Variants in LIPK observed in about 807,000 individuals in gnomAD.
LIPK encodes the protein lipase family member K.
In LIPK, 32 loss-of-function variants were observed where a neutral mutation model predicts 48.6. The observed-to-expected ratio is 0.66, with a 90% CI of 0.50 to 0.88. The LOEUF is 0.88. Among genes scored for constraint, LIPK ranks in the 40% least tolerant of loss-of-function variants. The probability of loss-of-function intolerance (pLI) is 0.00; values close to 1 mark genes in which losing one functional copy is unlikely to be tolerated. For missense variants in LIPK, 507 were observed against 478.5 expected, an observed-to-expected ratio of 1.06 and a Z score of -0.56; for synonymous variants, 164 against 157.4, an observed-to-expected ratio of 1.04 and a Z score of -0.32.
chr10:88,727,367 C>G, intron 3 of LIPK: 1 of 203,794 alleles, frequency 4.9e-6, no homozygotes, highest in Non-Finnish European at 9.8e-6. Flanking sequence ...ATGTCTTCAA[C>G]TACTACAATG....
chr10:88,727,691 T>C (rs1417756662), intron 3 of LIPK: 2 of 183,016 alleles, frequency 1.1e-5, no homozygotes, highest in African/African-American at 4.8e-5. Context: ...GGGTGAGGTC[T>C]ATGCTGGGGC....
Position 88,715,603 on chromosome 10 carries a change from CT to C in LIPK, c.-11-8923del, listed in dbSNP as rs1214689097. Among the ~76,000 whole-genome samples the C allele has an allele frequency of 6.6e-5, 10 of 151,972 alleles. No homozygotes were observed. In the South Asian group the frequency reaches 1.0e-3, roughly 16 times the overall value. On this transcript the variant is annotated intron_variant, in intron 1 of 9. Coordinates refer to ENST00000404190, the MANE Select transcript of LIPK (RefSeq NM_001080518.2). The stretch of plus-strand genomic sequence containing the variant: ...CATATTATAGTCTGACAATATTTGC[CT>C]TTTTTTAGAGTATTTTCTGTATTAG...
chr10:88,707,006 T>C (rs1188887829), intron 1 of LIPK, among the ~76,000 whole-genome samples: 1 of 152,154 alleles, frequency 6.6e-6, no homozygotes, highest in African/African-American at 2.4e-5. Flanking sequence ...AAGATGAAGA[T>C]GAGTCAACTG....
intron 1 of LIPK, among the ~76,000 whole-genome samples, chr10:88,710,749 C>T (rs1206025810): frequency 6.6e-6 from 1 of 152,078 alleles, no homozygotes; most frequent in Non-Finnish European, 1.5e-5. Flanking sequence ...GTATTATTTT[C>T]AATAATTTGC....
intron 7 of LIPK, among the ~76,000 whole-genome samples, chr10:88,738,662 C>A (rs1358613830): frequency 6.6e-6 from 1 of 152,062 alleles, no homozygotes; most frequent in African/African-American, 2.4e-5. Context: ...GACCTTGAAG[C>A]AAATAAAAAA....
At chr10:88,708,266 C>T (rs180976107) in intron 1 of LIPK, among the ~76,000 whole-genome samples, 10 of 152,006 alleles carry the variant, frequency 6.6e-5, no homozygotes, top group African/African-American at 2.2e-4. Flanking sequence ...ATAACCTTTG[C>T]TATTATTATA....
At chr10:88,723,873 A>T (rs1452118104) in intron 1 of LIPK, among the ~76,000 whole-genome samples, 1 of 152,094 alleles carries the variant, frequency 6.6e-6, no homozygotes, top group Admixed American at 6.5e-5. Context: ...AGGAATTTTC[A>T]CATATCACAC....
At chr10:88,725,153 A>G (rs989387122) in intron 2 of LIPK, among the ~76,000 whole-genome samples, 4 of 152,164 alleles carry the variant, frequency 2.6e-5, no homozygotes, top group African/African-American at 4.8e-5. Context: ...CAGATAATAT[A>G]CTCCATTCTC....
intron 1 of LIPK, among the ~76,000 whole-genome samples, chr10:88,722,907 G>T: frequency 7.8e-5 from 1 of 12,820 alleles, no homozygotes; most frequent in Non-Finnish European, 1.1e-4. Context: ...TTTTTGACAG[G>T]GTTTCACTCT....
At chr10:88,714,068 G>A (rs1171657889) in intron 1 of LIPK, among the ~76,000 whole-genome samples, 1 of 152,168 alleles carries the variant, frequency 6.6e-6, no homozygotes, top group South Asian at 2.1e-4. Context: ...AGCACCTCCA[G>A]TATCACGGTA....
chr10:88,752,687 T>C lies in LIPK; in HGVS notation c.1131T>C (p.Leu377=). The C allele has an allele frequency of 6.3e-7, 1 of 1,577,002 alleles. No individual in the cohort carries two copies. Among genetic ancestry groups the C allele is most frequent in the Non-Finnish European group, 8.6e-7 (1 of 1,158,950 alleles). ...ACTACAATCATGTGGATTTTTACCT[T>C]GGAGAGGATGCACCTCAGGAAATTT... is the stretch of plus-strand genomic sequence containing the variant. ...IPHYNHVDFY[L]GEDAPQEIYQ... is the part of the protein sequence containing the mutation. The change falls in exon 10 of 10, where the codon CTT becomes CTC. Residue 377 remains leucine, a synonymous_variant. Transcript: ENST00000404190.
At chr10:88,731,241 C>G in intron 4 of LIPK, 60 bp downstream of exon 4, 1 of 1,303,608 alleles carries the variant, frequency 7.7e-7, no homozygotes, top group Non-Finnish European at 1.0e-6. Flanking sequence ...TGTATGAACA[C>G]CTAGTGATTT....
At chr10:88,750,637 T>C (rs990565638) in intron 9 of LIPK, among the ~76,000 whole-genome samples, 1 of 152,082 alleles carries the variant, frequency 6.6e-6, no homozygotes, top group African/African-American at 2.4e-5. Flanking sequence ...CAATAGACAC[T>C]GGGGCCTACT....
At chr10:88,715,982 T>C (rs1388088441) in intron 1 of LIPK, among the ~76,000 whole-genome samples, 1 of 152,164 alleles carries the variant, frequency 6.6e-6, no homozygotes, top group Non-Finnish European at 1.5e-5. Context: ...GTGAGAGAAC[T>C]AGTCTTGTAT....
chr10:88,711,499 G>A lies in LIPK; in HGVS notation c.-12+5179G>A, dbSNP rs944555688. On this transcript the variant is annotated intron_variant, in intron 1 of 9. Coordinates refer to ENST00000404190, the MANE Select transcript of LIPK (RefSeq NM_001080518.2). ...CTCTTTTCCTTTGCTTTTTGAGACAGTCTCACTCTATCACCCAGGCTGGAG... is the reference window on the plus strand; with the variant it reads ...CTCTTTTCCTTTGCTTTTTGAGACAATCTCACTCTATCACCCAGGCTGGAG... Among the ~76,000 whole-genome samples, 3 of 152,104 alleles carry A rather than the reference G, an allele frequency of 2.0e-5. No homozygotes were observed. The South Asian group carries it at 6.2e-4, about 32-fold the overall frequency.
At chr10:88,743,407 A>G in intron 9 of LIPK, 86 bp downstream of exon 9, 2 of 918,526 alleles carry the variant, frequency 2.2e-6, no homozygotes, top group South Asian at 1.4e-5. Flanking sequence ...TGCCACTTCC[A>G]TTTAACCACA....
chr10:88,722,207 A>C (rs545022314), intron 1 of LIPK, among the ~76,000 whole-genome samples: 2 of 152,168 alleles, frequency 1.3e-5, no homozygotes, highest in Non-Finnish European at 2.9e-5. Context: ...GGGCAAGAGA[A>C]TCCCTTGAAC....
In LIPK at chr10:88,740,087, G is replaced by C. The variant is rs759959852; in HGVS notation, c.888+20G>C. ...GCTCAGGTAAGTGCTTCTTATTCCT[G>C]CTTGATGCACACATATCTCTGCAAG... is the stretch of plus-strand genomic sequence containing the variant. On this transcript the variant is annotated intron_variant, in intron 8 of 9. Coordinates refer to ENST00000404190, the MANE Select transcript of LIPK (RefSeq NM_001080518.2). 1.3e-6 allele frequency: 2 copies of C among 1,589,490 alleles called. No homozygotes were observed. Among genetic ancestry groups the C allele is most frequent in the South Asian group, 2.2e-5 (2 of 90,098 alleles).
chr10:88,746,773 T>C (rs754627336), intron 9 of LIPK, among the ~76,000 whole-genome samples: 90 of 151,898 alleles, frequency 5.9e-4, no homozygotes, highest in Non-Finnish European at 3.8e-4. Flanking sequence ...AATTACAGCT[T>C]AACTGAATGA....
Sources: allele counts gnomAD v4.1 joint callset (sites outside exome capture counted in the v4.1 genomes callset), GRCh38; gene constraint gnomAD v4.1.1; transcripts MANE v1.5; gene names NCBI Gene and HGNC (gene_info 2026-07-23, HGNC 2026-07-21).